Variants in ASTN2 observed in about 807,000 individuals in gnomAD.
ASTN2 encodes astrotactin-2.
ASTN2 carries 54 observed loss-of-function variants against 139.8 expected under a neutral mutation model. That is an observed-to-expected ratio of 0.39 (90% confidence interval 0.31 to 0.48). ASTN2 has a LOEUF of 0.48. ASTN2 is among the 20% of genes least tolerant of loss of function. ASTN2 has a pLI of 0.95. For missense variants in ASTN2, 1,565 were observed against 1,725.1 expected, an observed-to-expected ratio of 0.91 and a Z score of 1.64; for synonymous variants, 756 against 719.5, an observed-to-expected ratio of 1.05 and a Z score of -0.81.
intron 13 of ASTN2, among the ~76,000 whole-genome samples, chr9:116,780,950 C>T (rs1157997415): frequency 1.3e-5 from 2 of 151,908 alleles, no homozygotes; most frequent in Admixed American, 6.6e-5. Flanking sequence ...AGTGATTCTC[C>T]TGCCTCAGCC....
intron 1 of ASTN2, among the ~76,000 whole-genome samples, chr9:117,403,810 C>G (rs1483952954): frequency 3.9e-5 from 6 of 152,110 alleles, no homozygotes; most frequent in African/African-American, 7.2e-5. Context: ...TCTTCTGTCC[C>G]AACTGTCCTC....
intron 3 of ASTN2, among the ~76,000 whole-genome samples, chr9:117,213,373 A>G (rs1435480055): frequency 6.6e-6 from 1 of 152,164 alleles, no homozygotes; most frequent in Non-Finnish European, 1.5e-5. Flanking sequence ...AGGTGTAATA[A>G]TTTCTAGTGT....
chr9:117,141,483 A>G lies in ASTN2; in HGVS notation c.1016-5T>C, dbSNP rs774161077. The G allele has an allele frequency of 3.7e-6, 5 of 1,366,306 alleles. No individual in the cohort carries two copies. Among genetic ancestry groups the G allele is most frequent in the African/African-American group, 3.0e-5 (2 of 67,698 alleles). 84.6% of individuals were successfully genotyped at this position (1,366,306 alleles called of 1,614,324 possible). A position where few individuals can be genotyped will look rare whatever the true frequency, so the allele number is the denominator to read the frequency against. ...CCTGAGTCGCCTCAGCTGCTGCTAT[A>G]AGGTAGCAATGGGGCTGAGGTTAGG... On this transcript the variant is annotated splice_region_variant and splice_polypyrimidine_tract_variant and intron_variant, in intron 3 of 22. Transcript: ENST00000313400.
chr9:117,383,636 C>T (rs574481867), intron 1 of ASTN2, among the ~76,000 whole-genome samples: 2 of 151,838 alleles, frequency 1.3e-5, no homozygotes, highest in East Asian at 1.9e-4. Context: ...ATATTGAAGG[C>T]GAGTAGAGGT....
At chr9:116,557,307 A>G (rs1040559315) in intron 19 of ASTN2, among the ~76,000 whole-genome samples, 4 of 151,692 alleles carry the variant, frequency 2.6e-5, no homozygotes, top group Non-Finnish European at 2.9e-5. Context: ...AGAGTACATC[A>G]CTACAACTTC....
chr9:116,781,976 A>G (rs1001405825), intron 13 of ASTN2, among the ~76,000 whole-genome samples: 4 of 152,182 alleles, frequency 2.6e-5, no homozygotes, highest in African/African-American at 7.2e-5. Context: ...TGGCAGCATC[A>G]GCATTCAAAC....
chr9:116,770,827 G>A (rs559983016), intron 13 of ASTN2, among the ~76,000 whole-genome samples: 1 of 152,106 alleles, frequency 6.6e-6, no homozygotes, highest in South Asian at 2.1e-4. Flanking sequence ...CTCTCTTGAG[G>A]GTTTTCCCCA....
chr9:117,053,562 A>C (rs1377716326), intron 5 of ASTN2, among the ~76,000 whole-genome samples: 2 of 152,196 alleles, frequency 1.3e-5, no homozygotes, highest in East Asian at 3.8e-4. Context: ...TGCACAAGCC[A>C]TCAGGAGCAC....
intron 2 of ASTN2, among the ~76,000 whole-genome samples, chr9:117,261,871 T>C (rs972403436): frequency 1.3e-5 from 2 of 152,200 alleles, no homozygotes; most frequent in African/African-American, 4.8e-5. Context: ...TCTTTTACTG[T>C]TGTTGTTTCC....
chr9:116,436,618 A>G (rs2118850927), intron 22 of ASTN2, among the ~76,000 whole-genome samples: 1 of 152,350 alleles, frequency 6.6e-6, no homozygotes, highest in Middle Eastern at 3.4e-3. Flanking sequence ...TTAAACCATT[A>G]GGGTGTGACA....
chr9:116,693,117 C>G (rs1194683723), intron 16 of ASTN2, among the ~76,000 whole-genome samples: 1 of 152,098 alleles, frequency 6.6e-6, no homozygotes, highest in Non-Finnish European at 1.5e-5. Context: ...AATACTAGTA[C>G]TAGTTATTGT....
intron 3 of ASTN2, among the ~76,000 whole-genome samples, chr9:117,190,525 T>A (rs1831317907): frequency 6.6e-6 from 1 of 151,924 alleles, no homozygotes. Flanking sequence ...ACAGGAAGAG[T>A]CAGTGTCCCT....
intron 19 of ASTN2, among the ~76,000 whole-genome samples, chr9:116,543,082 TA>T (rs879629046): frequency 3.9e-5 from 6 of 151,992 alleles, no homozygotes; most frequent in Non-Finnish European, 7.4e-5. Context: ...ATAAGCACCC[TA>T]AAGACCATCC....
chr9:117,188,381 G>A (rs1383341673), intron 3 of ASTN2, among the ~76,000 whole-genome samples: 3 of 152,112 alleles, frequency 2.0e-5, no homozygotes, highest in African/African-American at 4.8e-5. Context: ...AGTTGCCTGC[G>A]TATATTAATA....
At chr9:117,346,298 C>T (rs1829215770) in intron 1 of ASTN2, among the ~76,000 whole-genome samples, 1 of 152,156 alleles carries the variant, frequency 6.6e-6, no homozygotes, top group South Asian at 2.1e-4. Context: ...AGTTTACTAA[C>T]TTCTGTGCTA....
At position 117,187,358 on chromosome 9, in the gene ASTN2, T is replaced by C. The variant is rs577232170; in HGVS notation, c.1015+27000A>G. 2.0e-4 allele frequency among the ~76,000 whole-genome samples: 30 copies of C among 152,014 alleles called. No individual in the cohort carries two copies. In the South Asian group the frequency reaches 6.0e-3, roughly 31 times the overall value. On this transcript the variant is annotated intron_variant, in intron 3 of 22. Coordinates refer to ENST00000313400, the MANE Select transcript of ASTN2 (RefSeq NM_001365068.1). ...GAACAGAGATGCAAAGGCCCTGAGA[T>C]TGATGAAGATGATGATGATGATGCT... is the stretch of plus-strand genomic sequence containing the variant.
intron 5 of ASTN2, among the ~76,000 whole-genome samples, chr9:117,093,092 C>T (rs1170083835): frequency 1.3e-5 from 2 of 152,296 alleles, no homozygotes; most frequent in African/African-American, 2.4e-5. Flanking sequence ...CCCATTCACA[C>T]ACAAGTAAGA....
chr9:116,602,211 G>T (rs1588062811), intron 19 of ASTN2, among the ~76,000 whole-genome samples: 1 of 152,246 alleles, frequency 6.6e-6, no homozygotes, highest in East Asian at 1.9e-4. Context: ...AGACAGAGGG[G>T]AGTAAGCTGA....
Position 116,439,194 on chromosome 9 carries a change from A to ATTTTTTTTTTTTTTTTTTTTTTT in ASTN2, c.3782+1392_3782+1414dup, listed in dbSNP as rs1016270368. The stretch of plus-strand genomic sequence containing the variant: ...GATGTTGTGTTTTCTATTCAAATAC[A>ATTTTTTTTTTTTTTTTTTTTTTT]TTTTTTTTTTTTTTTTTTTTTTTTG... On this transcript the variant is annotated intron_variant, in intron 22 of 22. Transcript: ENST00000313400. Among the ~76,000 whole-genome samples, 2 of 56,726 alleles carry ATTTTTTTTTTTTTTTTTTTTTTT rather than the reference A, an allele frequency of 3.5e-5. 1 individual carries two copies. Among genetic ancestry groups the ATTTTTTTTTTTTTTTTTTTTTTT allele is most frequent in the Admixed American group, 5.9e-4 (2 of 3,372 alleles). The allele number at this position is 56,726 out of a possible 152,430, so 37.2% of individuals were successfully genotyped here.
Sources: gnomAD v4.1 joint callset for allele counts (sites outside exome capture counted in the v4.1 genomes callset) on GRCh38, gnomAD v4.1.1 for gene constraint, MANE v1.5 for transcripts, NCBI Gene and HGNC (gene_info 2026-07-23, HGNC 2026-07-21) for gene names.